NEO1: variants seen among roughly 807,000 people sequenced by gnomAD.
NEO1 encodes neogenin 1, also known as neogenin.
NEO1 carries 63 observed loss-of-function variants against 159.7 expected under a neutral mutation model. The observed-to-expected ratio is 0.39, with a 90% confidence interval of 0.32 to 0.49. The LOEUF (loss-of-function observed/expected upper bound fraction) is 0.49, where lower values mean the gene tolerates loss of function less well. NEO1 is among the 20% of genes least tolerant of loss of function. The pLI is 0.85. For synonymous variants in NEO1, 633 were observed against 662.0 expected, an observed-to-expected ratio of 0.96 and a Z score of 0.67; for missense variants, 1,615 against 1,831.0, an observed-to-expected ratio of 0.88 and a Z score of 2.15.
intron 1 of NEO1, among the ~76,000 whole-genome samples, chr15:73,100,161 C>G (rs1005453920): frequency 2.6e-5 from 4 of 152,064 alleles, no homozygotes; most frequent in Non-Finnish European, 5.9e-5. Context: ...TATAAATGTG[C>G]CCTATCGCTT....
chr15:73,301,700 C>G (rs1595805667), intron 28 of NEO1: 2 of 521,024 alleles, frequency 3.8e-6, no homozygotes, highest in East Asian at 6.9e-5. Flanking sequence ...CAGAATCTTG[C>G]TCTGTCTCCC....
intron 6 of NEO1, among the ~76,000 whole-genome samples, chr15:73,177,460 G>C (rs2035344078): frequency 6.6e-6 from 1 of 152,130 alleles, no homozygotes; most frequent in African/African-American, 2.4e-5. Context: ...AAAGCAATCT[G>C]TTATAGTTAA....
chr15:73,281,779 A>G (rs2041729159), intron 22 of NEO1, among the ~76,000 whole-genome samples: 1 of 152,208 alleles, frequency 6.6e-6, no homozygotes, highest in Non-Finnish European at 1.5e-5. Context: ...GTGGTTAGAC[A>G]TGTGTGGTGG....
intron 2 of NEO1, among the ~76,000 whole-genome samples, chr15:73,120,556 A>G (rs1196414103): frequency 6.6e-6 from 1 of 151,868 alleles, no homozygotes; most frequent in Non-Finnish European, 1.5e-5. Flanking sequence ...GAGCATAGCA[A>G]TCACTTTTTA....
chr15:73,289,190 G>A lies in NEO1; in HGVS notation c.3694G>A (p.Gly1232Arg), dbSNP rs775606489. ...CATGTCTACACTGGCTGGAAGGCGA[G>A]GAATGAGACCAAAAATGATGATGCC... Reference protein sequence around the residue: ...DSMSTLAGRRGMRPKMMMPFD... With the variant: ...DSMSTLAGRRRMRPKMMMPFD... Residue 1232 changes from glycine to arginine, a missense_variant, in exon 25 of 29, where the codon GGA (glycine) becomes AGA (arginine). Transcript: ENST00000261908. The A allele has an allele frequency of 3.1e-6, 5 of 1,614,088 alleles. No individual in the cohort carries two copies. The highest frequency in any genetic ancestry group is 3.4e-6 in the Non-Finnish European group (4 of 1,180,006).
chr15:73,160,593 C>T (rs1347917805), intron 5 of NEO1, among the ~76,000 whole-genome samples: 1 of 152,072 alleles, frequency 6.6e-6, no homozygotes, highest in Non-Finnish European at 1.5e-5. Flanking sequence ...CCATGATCCC[C>T]TTGTTGGGTT....
At chr15:73,241,304 AG>A (rs1567575822) in intron 8 of NEO1, among the ~76,000 whole-genome samples, 1 of 152,238 alleles carries the variant, frequency 6.6e-6, no homozygotes. Flanking sequence ...AGTCTAGTCA[AG>A]GGGTTAGCAA....
intron 7 of NEO1, among the ~76,000 whole-genome samples, chr15:73,220,399 A>G (rs1222655542): frequency 1.3e-5 from 2 of 151,788 alleles, no homozygotes; most frequent in Middle Eastern, 3.2e-3. Context: ...TCTGACAATT[A>G]TGTGTCTTGG....
chr15:73,189,426 C>T (rs560443678), intron 7 of NEO1, among the ~76,000 whole-genome samples: 10 of 152,272 alleles, frequency 6.6e-5, no homozygotes, highest in African/African-American at 2.2e-4. Flanking sequence ...AGTTCAAAAC[C>T]GGCTTGTTGA....
intron 9 of NEO1, among the ~76,000 whole-genome samples, chr15:73,245,208 C>T (rs768892899): frequency 1.1e-4 from 17 of 152,064 alleles, no homozygotes; most frequent in Non-Finnish European, 2.1e-4. Flanking sequence ...GTCATCCTTA[C>T]ATTTCCCACA....
chr15:73,129,275 A>G (rs2030757912), intron 4 of NEO1, among the ~76,000 whole-genome samples: 1 of 152,222 alleles, frequency 6.6e-6, no homozygotes, highest in South Asian at 2.1e-4. Context: ...TGTTTCTGCT[A>G]GAGCCTTATG....
At chr15:73,218,632 A>G (rs962920657) in intron 7 of NEO1, among the ~76,000 whole-genome samples, 5 of 151,776 alleles carry the variant, frequency 3.3e-5, no homozygotes, top group African/African-American at 1.2e-4. Context: ...CAGAGATTCA[A>G]CTTCTTCCTG....
intron 7 of NEO1, among the ~76,000 whole-genome samples, chr15:73,234,996 A>G (rs187101006): frequency 3.3e-5 from 5 of 152,338 alleles, no homozygotes; most frequent in Non-Finnish European, 7.3e-5. Context: ...AATGATCTAT[A>G]TAGAGAGCCA....
At chr15:73,102,973 C>T (rs991415189) in intron 1 of NEO1, among the ~76,000 whole-genome samples, 1 of 152,312 alleles carries the variant, frequency 6.6e-6, no homozygotes, top group Admixed American at 6.5e-5. Context: ...TGTCATTCAT[C>T]TTCAACTACT....
At chr15:73,169,821 T>C (rs1459169683) in intron 5 of NEO1, among the ~76,000 whole-genome samples, 3 of 151,856 alleles carry the variant, frequency 2.0e-5, no homozygotes, top group Non-Finnish European at 4.4e-5. Context: ...AGAAAAAAAT[T>C]AGTATGCTAT....
upstream of NEO1, chr15:73,051,756 G>A (rs1441199212): frequency 6.6e-6 from 1 of 151,928 alleles, no homozygotes. Context: ...GCCGCGCCAG[G>A]GCCCAGCAAG....
chr15:73,093,932 C>G (rs1037229899), intron 1 of NEO1, among the ~76,000 whole-genome samples: 1 of 151,544 alleles, frequency 6.6e-6, no homozygotes, highest in African/African-American at 2.4e-5. Context: ...CATCATTGTG[C>G]TTTTTGTTTT....
At chr15:73,094,062 A>T (rs1173168844) in intron 1 of NEO1, among the ~76,000 whole-genome samples, 1 of 152,128 alleles carries the variant, frequency 6.6e-6, no homozygotes, top group Non-Finnish European at 1.5e-5. Context: ...TTCCTTCTAT[A>T]ACTATTTTTT....
intron 13 of NEO1, 42 bp from the exon 14 acceptor site, chr15:73,258,724 A>G: frequency 2.0e-6 from 3 of 1,531,802 alleles, no homozygotes; most frequent in African/African-American, 1.4e-5. Flanking sequence ...TTGTTTTTCC[A>G]AAGCTCTTGT....
Sources: gnomAD v4.1 joint callset for allele counts (sites outside exome capture counted in the v4.1 genomes callset) on GRCh38, gnomAD v4.1.1 for gene constraint, MANE v1.5 for transcripts, NCBI Gene and HGNC (gene_info 2026-07-23, HGNC 2026-07-21) for gene names.